The following CLMP variants were observed in gnomAD, a reference collection of about 807,000 sequenced individuals.
CLMP encodes CXADR-like membrane protein.
Under a neutral mutation model 45.2 loss-of-function variants are expected in CLMP, and 27 were observed. That is an observed-to-expected ratio of 0.60 (90% confidence interval 0.44 to 0.82). The LOEUF (loss-of-function observed/expected upper bound fraction) is 0.82. Ranked by LOEUF, CLMP falls within the 40% of genes least tolerant of loss-of-function variation. CLMP has a pLI of 0.00. For missense variants in CLMP, 403 were observed against 448.4 expected (o/e 0.90, Z 0.91); for synonymous variants, 167 against 171.4 (o/e 0.97, Z 0.20).
At chr11:123,190,846 G>A (rs994716232) in intron 1 of CLMP, among the ~76,000 whole-genome samples, 1 of 152,204 alleles carries the variant, frequency 6.6e-6, no homozygotes, top group African/African-American at 2.4e-5. Flanking sequence ...TGAAAAGGAA[G>A]GAGAGACATT....
At chr11:123,087,251 T>C (rs1865875979) in intron 2 of CLMP, among the ~76,000 whole-genome samples, 1 of 151,684 alleles carries the variant, frequency 6.6e-6, no homozygotes, top group Admixed American at 6.6e-5. Context: ...GCAGGAGAAT[T>C]GCTTGAACCC....
intron 1 of CLMP, among the ~76,000 whole-genome samples, chr11:123,172,777 C>T (rs10790559): frequency 0.54 from 81,884 of 152,138 alleles, 22,471 homozygotes; most frequent in African/African-American, 0.64. Context: ...TGAGCCACCA[C>T]ATCCAGCCAA....
At chr11:123,193,098 C>G (rs762147222) in intron 1 of CLMP, 1 of 152,190 alleles carries the variant, frequency 6.6e-6, no homozygotes, top group Non-Finnish European at 1.5e-5. Flanking sequence ...AGAGGGTAAG[C>G]GCTTTGAGAA....
intron 1 of CLMP, among the ~76,000 whole-genome samples, chr11:123,170,241 G>T (rs1861612038): frequency 6.6e-6 from 1 of 152,140 alleles, no homozygotes; most frequent in Non-Finnish European, 1.5e-5. Context: ...GCCCGAGTCA[G>T]GTTGGAAAGC....
chr11:123,127,619 T>C (rs1282437395), intron 1 of CLMP, among the ~76,000 whole-genome samples: 4 of 152,138 alleles, frequency 2.6e-5, no homozygotes, highest in Admixed American at 6.6e-5. Context: ...TTTATCAGCA[T>C]TACTCCAATC....
At chr11:123,136,547 T>C (rs1450705092) in intron 1 of CLMP, among the ~76,000 whole-genome samples, 3 of 148,892 alleles carry the variant, frequency 2.0e-5, no homozygotes, top group Non-Finnish European at 3.0e-5. Flanking sequence ...ACTTGGGTTA[T>C]TACTTTTAAG....
At position 123,150,507 on chromosome 11, in the gene CLMP, GGAAGGAAGGAAGGAAGGAAGGAAAGAAA is replaced by G. The variant is rs1861312977; in HGVS notation, c.28+44378_28+44405del. Among the ~76,000 whole-genome samples, 11 of 124,526 alleles carry G rather than the reference GGAAGGAAGGAAGGAAGGAAGGAAAGAAA, an allele frequency of 8.8e-5. No individual in the cohort carries two copies. In the South Asian group the frequency reaches 3.2e-3, roughly 36 times the overall value. 81.7% of individuals were successfully genotyped at this position (124,526 alleles called of 152,430 possible). A position where few individuals can be genotyped will look rare whatever the true frequency, so the allele number is the denominator to read the frequency against. ...AGGAAGGAAGGAAGGAAGGAAGGAAGGAAGGAAGGAAGGAAGGAAGGAAAGAAACAAGCAAGGAAGGAAGGAAGGAAGG... is the reference window on the plus strand; with the variant it reads ...AGGAAGGAAGGAAGGAAGGAAGGAAGCAAGCAAGGAAGGAAGGAAGGAAGG... On this transcript the variant is annotated intron_variant, in intron 1 of 6. Transcript: ENST00000448775.
rs114183976 is a variant in CLMP, at chr11:123,178,309, G to C, written c.28+16604C>G. On this transcript the variant is annotated intron_variant, in intron 1 of 6. Coordinates refer to ENST00000448775, the MANE Select transcript of CLMP (RefSeq NM_024769.5). Reference sequence around the variant, plus strand: ...TTTTGTGCTAAGTCATTCTGTAGGAGAGGTCAAGTGTGCCATCACCAGAAA... The same window carrying C: ...TTTTGTGCTAAGTCATTCTGTAGGACAGGTCAAGTGTGCCATCACCAGAAA... Among the ~76,000 whole-genome samples, 1,445 of 152,340 alleles carry C rather than the reference G, an allele frequency of 9.5e-3. 16 individuals are homozygous for C. Among genetic ancestry groups the C allele is most frequent in the African/African-American group, 0.028 (1,183 of 41,568 alleles).
intron 1 of CLMP, among the ~76,000 whole-genome samples, chr11:123,134,500 AT>A (rs977297902): frequency 4.9e-5 from 7 of 143,026 alleles, no homozygotes; most frequent in South Asian, 2.2e-4. Context: ...AAGCAAGGGC[AT>A]TTCATGTTCA....
chr11:123,102,379 C>T (rs1313418757), intron 1 of CLMP, among the ~76,000 whole-genome samples: 1 of 147,524 alleles, frequency 6.8e-6, no homozygotes, highest in Non-Finnish European at 1.5e-5. Flanking sequence ...CTCCCCGGTT[C>T]AAGTGATTCT....
At chr11:123,081,895 C>G (rs1865808517) in intron 5 of CLMP, among the ~76,000 whole-genome samples, 1 of 151,632 alleles carries the variant, frequency 6.6e-6, no homozygotes, top group South Asian at 2.1e-4. Context: ...AAGAAAAACT[C>G]TATGAGACAG....
At chr11:123,104,423 T>A (rs1860506107) in intron 1 of CLMP, among the ~76,000 whole-genome samples, 1 of 151,308 alleles carries the variant, frequency 6.6e-6, no homozygotes, top group African/African-American at 2.4e-5. Flanking sequence ...CTCGCCCTGT[T>A]GCTCAGGCTG....
intron 1 of CLMP, among the ~76,000 whole-genome samples, chr11:123,132,600 A>G (rs1591471203): frequency 6.6e-6 from 1 of 151,848 alleles, no homozygotes; most frequent in Admixed American, 6.6e-5. Flanking sequence ...CTGGGATTAC[A>G]GGCGCCTGCC....
At chr11:123,106,473 C>T (rs76079260) in intron 1 of CLMP, among the ~76,000 whole-genome samples, 15,399 of 151,072 alleles carry the variant, frequency 0.1, 882 homozygotes, top group East Asian at 0.16. Flanking sequence ...TTATGGAACA[C>T]TGTATGCAGT....
chr11:123,113,005 C>A (rs1054738193), intron 1 of CLMP, among the ~76,000 whole-genome samples: 2 of 152,258 alleles, frequency 1.3e-5, no homozygotes, highest in Middle Eastern at 3.4e-3. Flanking sequence ...GATCTCCTGA[C>A]CTTGTGATCT....
chr11:123,100,701 T>C (rs749370152), intron 1 of CLMP, among the ~76,000 whole-genome samples: 1 of 152,142 alleles, frequency 6.6e-6, no homozygotes, highest in Non-Finnish European at 1.5e-5. Context: ...TTTTCATTTC[T>C]CTTGTGCCTC....
intron 1 of CLMP, among the ~76,000 whole-genome samples, chr11:123,114,461 T>TCCCTCTCTCCCTCCCTCCC (rs1565386403): frequency 1.3e-5 from 1 of 75,752 alleles, no homozygotes; most frequent in Non-Finnish European, 2.5e-5. Context: ...TCTCCCTCCC[T>TCCCTCTCTCCCTCCCTCCC]TCCTTCCTTC....
intron 1 of CLMP, among the ~76,000 whole-genome samples, chr11:123,125,540 TCCCTC>T (rs1487430961): frequency 1.5e-5 from 1 of 67,972 alleles, no homozygotes; most frequent in Admixed American, 1.6e-4. Context: ...TCCCTCCCCT[TCCCTC>T]CCCTCCCCTC....
intron 1 of CLMP, among the ~76,000 whole-genome samples, chr11:123,105,165 A>T (rs1257432525): frequency 6.6e-6 from 1 of 152,230 alleles, no homozygotes; most frequent in Non-Finnish European, 1.5e-5. Flanking sequence ...AATGGGAATT[A>T]AAGAAGACAC....
Sources: allele counts gnomAD v4.1 joint callset (sites outside exome capture counted in the v4.1 genomes callset), GRCh38; gene constraint gnomAD v4.1.1; transcripts MANE v1.5; gene names NCBI Gene and HGNC (gene_info 2026-07-23, HGNC 2026-07-21).